ZNF490: variants seen among roughly 807,000 people sequenced by gnomAD.
ZNF490 encodes the protein zinc finger protein 490.
A neutral mutation model predicts 17.7 loss-of-function variants in ZNF490; 11 were observed. That is an observed-to-expected ratio of 0.62 (90% CI 0.39 to 1.03). The LOEUF (loss-of-function observed/expected upper bound fraction) is 1.03, where lower values mean the gene tolerates loss of function less well. Among genes scored for constraint, ZNF490 ranks in the 50% least tolerant of loss-of-function variants. The pLI is 0.00. For missense variants in ZNF490, 542 were observed against 643.4 expected (o/e 0.84, Z 1.71); for synonymous variants, 222 against 216.1 (o/e 1.03, Z -0.24).
At chr19:12,583,807 A>AT (rs1568278640) in intron 2 of ZNF490, among the ~76,000 whole-genome samples, 2 of 112,386 alleles carry the variant, frequency 1.8e-5, no homozygotes, top group Admixed American at 1.0e-4. Context: ...ATATATATAT[A>AT]TATATTTTTT....
intron 2 of ZNF490, among the ~76,000 whole-genome samples, chr19:12,591,669 A>C (rs1157016942): frequency 6.6e-6 from 1 of 152,138 alleles, no homozygotes; most frequent in Non-Finnish European, 1.5e-5. Context: ...AAAAAAAACT[A>C]AGATAAATAA....
rs933460085 is a variant in ZNF490 at position 12,576,589 on chromosome 19, G to C, written c.*3896C>G. ...CAGCACTTTGGGGAGACCGAGGTGG[G>C]TGGATCACAAGGTCAGGAGATTGAG... is the stretch of plus-strand genomic sequence containing the variant. On this transcript the variant is annotated 3_prime_UTR_variant, in exon 5 of 5. Coordinates refer to ENST00000311437, the MANE Select transcript of ZNF490 (RefSeq NM_020714.3). Among the ~76,000 whole-genome samples the C allele has an allele frequency of 6.6e-6, 1 of 151,648 alleles. No individual in the cohort carries two copies. Among genetic ancestry groups the C allele is most frequent in the East Asian group, 1.9e-4 (1 of 5,150 alleles).
At chr19:12,596,063 G>A (rs769620353) in intron 2 of ZNF490, among the ~76,000 whole-genome samples, 17 of 152,038 alleles carry the variant, frequency 1.1e-4, no homozygotes, top group Non-Finnish European at 2.1e-4. Context: ...CCAGGAGTTC[G>A]AGAACAGCCT....
intron 2 of ZNF490, among the ~76,000 whole-genome samples, chr19:12,601,349 T>C (rs1018068588): frequency 4.6e-5 from 7 of 151,310 alleles, no homozygotes; most frequent in Admixed American, 2.0e-4. Context: ...TATTGCGCCA[T>C]TGCACTCTAG....
rs1258569872 is a variant in ZNF490 at position 12,580,478 on chromosome 19, T to C, written c.*7A>G. The C allele has an allele frequency of 1.3e-6, 2 of 1,570,266 alleles. No homozygotes were observed. The highest frequency in any genetic ancestry group is 1.2e-5 in the South Asian group (1 of 83,966). ...TACAACTGACAGCATTACCACACTT[T>C]ACTTTCTTAGGGCTTCTGTCTACTA... On this transcript the variant is annotated 3_prime_UTR_variant, in exon 5 of 5. Coordinates refer to ENST00000311437, the MANE Select transcript of ZNF490 (RefSeq NM_020714.3).
intron 1 of ZNF490, 143 bp from the exon 2 acceptor site, chr19:12,609,345 A>G (rs1289798304): frequency 2.8e-5 from 19 of 670,600 alleles, no homozygotes; most frequent in Non-Finnish European, 4.7e-5. Context: ...GGGAGTTTTC[A>G]AGATTACACT....
At chr19:12,589,890 GTATGTATGTATGTATGTATGTATT>G (rs2022847004) in intron 2 of ZNF490, among the ~76,000 whole-genome samples, 2 of 104,398 alleles carry the variant, frequency 1.9e-5, no homozygotes. Context: ...ATGTATGTAT[GTATGTATGTATGTATGTATGTATT>G]TATTTATTTA....
At position 12,580,987 on chromosome 19, in the gene ZNF490, G is replaced by A. The variant is rs2022724446; in HGVS notation, c.1088C>T (p.Thr363Ile). The A allele has an allele frequency of 1.2e-6, 2 of 1,613,992 alleles. No homozygotes were observed. The highest frequency in any genetic ancestry group is 2.7e-5 in the African/African-American group (2 of 74,926). The change falls in exon 5 of 5, where the codon ACA becomes ATA. Residue 363 changes from threonine (T) to isoleucine (I), a missense_variant. Transcript: ENST00000311437. ...VKTHTGVQPY[T>I]CKKCGEAFKS... ...GAAGGCTTCCCCACATTTCTTACAT[G>A]TATAAGGTTGAACTCCGGTGTGGGT...
rs2022711037 is a variant in ZNF490, at chr19:12,580,336, T to C, written c.*149A>G. Reference sequence around the variant, plus strand: ...CTCCCCCATTTGTTAAATATTTCATTGCCGCATGAGTCACGTCTTCAAAGG... The same window carrying C: ...CTCCCCCATTTGTTAAATATTTCATCGCCGCATGAGTCACGTCTTCAAAGG... On this transcript the variant is annotated 3_prime_UTR_variant, in exon 5 of 5. Transcript: ENST00000311437. The C allele has an allele frequency of 4.8e-6, 7 of 1,446,718 alleles. No homozygotes were observed. Among genetic ancestry groups the C allele is most frequent in the Admixed American group, 2.5e-5 (1 of 39,842 alleles). The allele number at this position is 1,446,718 out of a possible 1,614,324, so 89.6% of individuals were successfully genotyped here. A position where few individuals can be genotyped will look rare whatever the true frequency, so the allele number is the denominator to read the frequency against.
rs560173288 is a variant in ZNF490, at chr19:12,602,457, G to A, written c.162+6701C>T. ...CCCAACTATGTAGGAAGCTGAGGCA[G>A]GAGAATCACTTAAACCCAGGAGACA... On this transcript the variant is annotated intron_variant, in intron 2 of 4. Coordinates refer to ENST00000311437, the MANE Select transcript of ZNF490 (RefSeq NM_020714.3). Among the ~76,000 whole-genome samples, 14 of 152,136 alleles carry A rather than the reference G, an allele frequency of 9.2e-5. No homozygotes were observed. The South Asian group carries it at 2.9e-3, about 32-fold the overall frequency.
chr19:12,600,767 T>C (rs991845495), intron 2 of ZNF490, among the ~76,000 whole-genome samples: 15 of 152,182 alleles, frequency 9.9e-5, no homozygotes, highest in African/African-American at 2.2e-4. Flanking sequence ...ACAGGTGCTC[T>C]TGAATGCAAG....
At chr19:12,589,115 A>G (rs2022836315) in intron 2 of ZNF490, among the ~76,000 whole-genome samples, 1 of 152,200 alleles carries the variant, frequency 6.6e-6, no homozygotes, top group African/African-American at 2.4e-5. Context: ...TGAGGTCAGG[A>G]CTTCGAGACC....
intron 2 of ZNF490, chr19:12,597,258 A>G (rs2022946095): frequency 2.2e-6 from 1 of 450,104 alleles, no homozygotes; most frequent in Non-Finnish European, 4.5e-6. Flanking sequence ...CGAGGCTGGG[A>G]CGCAATCCTA....
At chr19:12,590,663 A>G (rs1005256938) in intron 2 of ZNF490, among the ~76,000 whole-genome samples, 1 of 152,246 alleles carries the variant, frequency 6.6e-6, no homozygotes, top group Non-Finnish European at 1.5e-5. Flanking sequence ...AATTTCAAAA[A>G]TCTACAACAA....
intron 2 of ZNF490, among the ~76,000 whole-genome samples, chr19:12,607,182 A>T (rs2023078275): frequency 6.6e-6 from 1 of 151,710 alleles, no homozygotes; most frequent in South Asian, 2.1e-4. Flanking sequence ...TCTAAAATTT[A>T]AAAAATTTAA....
Position 12,610,793 on chromosome 19 carries a change from C to G in ZNF490, c.-113G>C. On this transcript the variant is annotated 5_prime_UTR_variant, in exon 1 of 5. Coordinates refer to ENST00000311437, the MANE Select transcript of ZNF490 (RefSeq NM_020714.3). Reference sequence around the variant, plus strand: ...ACGGAGGGCACCAGTTCCGTCCCACCGGCGGAAGCGAGATCTGCCTAGCTA... The same window carrying G: ...ACGGAGGGCACCAGTTCCGTCCCACGGGCGGAAGCGAGATCTGCCTAGCTA... The G allele has an allele frequency of 8.9e-7, 1 of 1,119,974 alleles. No homozygotes were observed. The highest frequency in any genetic ancestry group is 1.3e-6 in the Non-Finnish European group (1 of 752,294). The allele number at this position is 1,119,974 out of a possible 1,614,324, so 69.4% of individuals were successfully genotyped here.
intron 4 of ZNF490, 92 bp downstream of exon 4, chr19:12,582,758 T>G (rs2022755356): frequency 9.0e-7 from 1 of 1,116,554 alleles, no homozygotes; most frequent in Non-Finnish European, 1.3e-6. Context: ...AACCTGAAAC[T>G]CTGCTTATTG....
At chr19:12,608,888 G>C (rs948126688) in intron 2 of ZNF490, among the ~76,000 whole-genome samples, 1 of 152,106 alleles carries the variant, frequency 6.6e-6, no homozygotes, top group African/African-American at 2.4e-5. Flanking sequence ...AGGATTACAG[G>C]CATGAGCCAC....
At chr19:12,604,790 C>T (rs1246481385) in intron 2 of ZNF490, among the ~76,000 whole-genome samples, 1 of 151,418 alleles carries the variant, frequency 6.6e-6, no homozygotes, top group East Asian at 1.9e-4. Context: ...CGCCATTGCA[C>T]TCCAGCCTGG....
Sources: allele counts gnomAD v4.1 joint callset (sites outside exome capture counted in the v4.1 genomes callset), GRCh38; gene constraint gnomAD v4.1.1; transcripts MANE v1.5; gene names NCBI Gene and HGNC (gene_info 2026-07-23, HGNC 2026-07-21).